The following NRAP variants were observed in gnomAD, a reference collection of about 807,000 sequenced individuals.
NRAP encodes the protein nebulin-related-anchoring protein.
In NRAP, 189 loss-of-function variants were observed where a neutral mutation model predicts 225.9. The observed-to-expected ratio is 0.84, with a 90% CI of 0.74 to 0.94. The LOEUF is 0.94. NRAP is among the 40% of genes least tolerant of loss of function. NRAP has a pLI of 0.00. For synonymous variants in NRAP, 769 were observed against 790.7 expected, an observed-to-expected ratio of 0.97 and a Z score of 0.46; for missense variants, 2,176 against 2,168.7, an observed-to-expected ratio of 1.00 and a Z score of -0.07.
chr10:113,605,294 G>A (rs934144646), intron 34 of NRAP, among the ~76,000 whole-genome samples: 4 of 152,208 alleles, frequency 2.6e-5, no homozygotes, highest in South Asian at 4.1e-4. Context: ...TTGTTTGTGG[G>A]AAAGAGAAAG....
chr10:113,628,104 C>G (rs767527540), intron 20 of NRAP, among the ~76,000 whole-genome samples: 36 of 152,210 alleles, frequency 2.4e-4, no homozygotes, highest in Non-Finnish European at 1.0e-4. Flanking sequence ...CCAGAGCCAG[C>G]TTTCTATGGT....
At chr10:113,645,577 C>T (rs1261202846) in intron 11 of NRAP, among the ~76,000 whole-genome samples, 5 of 152,122 alleles carry the variant, frequency 3.3e-5, no homozygotes, top group Non-Finnish European at 5.9e-5. Flanking sequence ...GCCACCACAC[C>T]CAGCTAATTT....
chr10:113,635,657 G>A (rs1848828613), intron 14 of NRAP, among the ~76,000 whole-genome samples: 1 of 152,088 alleles, frequency 6.6e-6, no homozygotes, highest in South Asian at 2.1e-4. Flanking sequence ...GGAACCCTTG[G>A]CCTCAAGGGA....
intron 21 of NRAP, among the ~76,000 whole-genome samples, chr10:113,625,313 A>G (rs1592794376): frequency 6.6e-6 from 1 of 152,210 alleles, no homozygotes; most frequent in Non-Finnish European, 1.5e-5. Flanking sequence ...AATAAGAAGC[A>G]TGCTCTGCCT....
At chr10:113,637,437 C>G (rs1848938733) in intron 14 of NRAP, among the ~76,000 whole-genome samples, 1 of 152,210 alleles carries the variant, frequency 6.6e-6, no homozygotes. Flanking sequence ...AGCTAGTGTG[C>G]TTAGAGCGAT....
chr10:113,660,355 C>A (rs1317087324), intron 3 of NRAP, among the ~76,000 whole-genome samples: 4 of 151,904 alleles, frequency 2.6e-5, no homozygotes, highest in Non-Finnish European at 4.4e-5. Flanking sequence ...CATATACACA[C>A]TCTCCGGATG....
chr10:113,634,805 G>A (rs1247829674), intron 14 of NRAP, among the ~76,000 whole-genome samples: 3 of 152,138 alleles, frequency 2.0e-5, no homozygotes, highest in Admixed American at 6.5e-5. Context: ...CACCAAAAAA[G>A]AGGTGTTAAA....
intron 14 of NRAP, among the ~76,000 whole-genome samples, chr10:113,634,971 G>C (rs1848784137): frequency 6.6e-6 from 1 of 152,100 alleles, no homozygotes; most frequent in South Asian, 2.1e-4. Flanking sequence ...CACCTTGCCA[G>C]AGTCCCCAAG....
chr10:113,662,478 G>C (rs1850739478), intron 3 of NRAP, among the ~76,000 whole-genome samples: 1 of 152,122 alleles, frequency 6.6e-6, no homozygotes, highest in Admixed American at 6.5e-5. Flanking sequence ...AATAAAGACA[G>C]GGTCTCACTA....
chr10:113,595,535 T>C, intron 38 of NRAP, 88 bp downstream of exon 38: 1 of 609,770 alleles, frequency 1.6e-6, no homozygotes, highest in Non-Finnish European at 2.8e-6. Context: ...TTCCTAGAAC[T>C]TTTTTTTTTA....
chr10:113,604,540 A>G, intron 35 of NRAP, 69 bp downstream of exon 35: 2 of 1,414,726 alleles, frequency 1.4e-6, no homozygotes, highest in South Asian at 1.3e-5. Context: ...AGAAGCAGAG[A>G]TTGACACCCG....
chr10:113,640,721 A>C (rs934099579), intron 13 of NRAP, among the ~76,000 whole-genome samples: 4 of 152,194 alleles, frequency 2.6e-5, no homozygotes, highest in Non-Finnish European at 5.9e-5. Flanking sequence ...TGACATTCTT[A>C]AGCAGAGAAA....
chr10:113,663,201 G>A (rs1469027255), intron 2 of NRAP, 151 bp downstream of exon 2: 2 of 596,704 alleles, frequency 3.4e-6, no homozygotes, highest in Non-Finnish European at 6.0e-6. Context: ...TCCCACCTTA[G>A]GTCTCTTTAA....
chr10:113,626,371 T>C (rs1229320391), intron 20 of NRAP, among the ~76,000 whole-genome samples: 1 of 152,228 alleles, frequency 6.6e-6, no homozygotes, highest in East Asian at 1.9e-4. Flanking sequence ...GTAATTTTCT[T>C]CCTCAGTAAC....
intron 13 of NRAP, 149 bp from the exon 14 acceptor site, chr10:113,640,480 T>C (rs1436560965): frequency 7.5e-6 from 4 of 531,888 alleles, no homozygotes; most frequent in Non-Finnish European, 1.3e-5. Flanking sequence ...GTTCACACTT[T>C]TGTCTTTAAT....
intron 38 of NRAP, among the ~76,000 whole-genome samples, chr10:113,594,819 C>A (rs533843113): frequency 4.6e-5 from 7 of 152,352 alleles, no homozygotes; most frequent in South Asian, 2.1e-4. Flanking sequence ...TGAACGGTAG[C>A]AGCTGTTGAT....
Position 113,592,298 on chromosome 10 carries a change from C to A in NRAP, c.4540G>T (p.Val1514Phe), listed in dbSNP as rs1319672430. 1 of 1,608,664 alleles carries A rather than the reference C, an allele frequency of 6.2e-7. No individual in the cohort carries two copies. Among genetic ancestry groups the A allele is most frequent in the Non-Finnish European group, 8.5e-7 (1 of 1,175,968 alleles). ...RLNALHLSDK[V>F]YRNSWEQTRA... is the part of the protein sequence containing the mutation. The stretch of plus-strand genomic sequence containing the variant: ...GTCTGCTCCCAGGAGTTTCTGTAGA[C>A]TTTCTAGATTGGAAAAACAAAAGCA... The change falls in exon 39 of 42, where the codon GTC becomes TTC. Residue 1514 changes from valine (V) to phenylalanine (F), a missense_variant. Val to Phe is a conservative substitution (Grantham distance 50, BLOSUM62 -1). Transcript: ENST00000359988.
chr10:113,611,304 C>T (rs941998964), intron 30 of NRAP, among the ~76,000 whole-genome samples: 2 of 152,130 alleles, frequency 1.3e-5, no homozygotes, highest in African/African-American at 4.8e-5. Flanking sequence ...GGCGTAAAAT[C>T]CAAACAGACG....
chr10:113,622,488 A>C (rs923457758), intron 23 of NRAP, among the ~76,000 whole-genome samples: 1 of 152,236 alleles, frequency 6.6e-6, no homozygotes, highest in South Asian at 2.1e-4. Flanking sequence ...AAGGAACTGA[A>C]ATTAAAAGAT....
Sources: gnomAD v4.1 joint callset for allele counts (sites outside exome capture counted in the v4.1 genomes callset) on GRCh38, gnomAD v4.1.1 for gene constraint, MANE v1.5 for transcripts, NCBI Gene and HGNC (gene_info 2026-07-23, HGNC 2026-07-21) for gene names.